The following PDYN variants were observed in gnomAD, a reference collection of about 807,000 sequenced individuals.
PDYN encodes prodynorphin.
A neutral mutation model predicts 11.4 loss-of-function variants in PDYN; 5 were observed. The ratio of observed to expected loss-of-function variants is 0.44; its 90% CI spans 0.23 to 0.92. The LOEUF is 0.92. Ranked by LOEUF, PDYN falls within the 40% of genes least tolerant of loss-of-function variation. The pLI, the probability that PDYN is intolerant of heterozygous loss-of-function variation, is 0.24. For synonymous variants in PDYN, 132 were observed against 129.5 expected (o/e 1.02, Z -0.13); for missense variants, 337 against 317.3 (o/e 1.06, Z -0.47).
intron 2 of PDYN, among the ~76,000 whole-genome samples, chr20:1,984,930 C>A (rs375735993): frequency 6.6e-6 from 1 of 152,034 alleles, no homozygotes; most frequent in South Asian, 2.1e-4. Flanking sequence ...TCATAGTCAG[C>A]GCTTTATAAA....
chr20:1,983,169 C>T lies in PDYN; in HGVS notation c.-19-66G>A, dbSNP rs73571363. On this transcript the variant is annotated intron_variant, in intron 2 of 3. Transcript: ENST00000217305. Reference sequence around the variant, plus strand: ...CCACTCTGTAGACTGTGTTCTGAGCCCACAAAGTCATCTCTAACTCCTGCC... The same window carrying T: ...CCACTCTGTAGACTGTGTTCTGAGCTCACAAAGTCATCTCTAACTCCTGCC... The T allele has an allele frequency of 6.4e-5, 89 of 1,397,934 alleles. No homozygotes were observed. The African/African-American group carries it at 9.0e-4, about 14-fold the overall frequency. 86.6% of individuals were successfully genotyped at this position (1,397,934 alleles called of 1,614,324 possible). A position where few individuals can be genotyped will look rare whatever the true frequency, so the allele number is the denominator to read the frequency against.
rs149056587 is a variant in PDYN, at chr20:1,982,979, C to G, written c.106G>C (p.Gly36Arg). ...ACCAGGGGATTGATAGGTTTGGGACCATCCTGGGTCTTTACAGCACACAAG... is the reference window on the plus strand; with the variant it reads ...ACCAGGGGATTGATAGGTTTGGGACGATCCTGGGTCTTTACAGCACACAAG... Reference protein sequence around the residue: ...CSLCAVKTQDGPKPINPLICS... With the variant: ...CSLCAVKTQDRPKPINPLICS... The change falls in exon 3 of 4, where the codon GGT becomes CGT. Residue 36 changes from glycine to arginine, a missense_variant. Gly to Arg is a moderately radical substitution (Grantham distance 125). Coordinates refer to ENST00000217305, the MANE Select transcript of PDYN (RefSeq NM_024411.5). 6.2e-7 allele frequency: 1 copy of G among 1,614,020 alleles called. No homozygotes were observed. The highest frequency in any genetic ancestry group is 8.5e-7 in the Non-Finnish European group (1 of 1,179,950).
chr20:1,986,105 C>T (rs969113724), intron 2 of PDYN, among the ~76,000 whole-genome samples: 8 of 152,196 alleles, frequency 5.3e-5, no homozygotes, highest in Non-Finnish European at 8.8e-5. Context: ...GAAGTACTCA[C>T]GATGTTCTGA....
chr20:1,983,187 C>T, intron 2 of PDYN, 84 bp from the exon 3 acceptor site: 1 of 1,163,940 alleles, frequency 8.6e-7, no homozygotes, highest in Admixed American at 2.0e-5. Flanking sequence ...TCATCTCTAA[C>T]TCCTGCCCAC....
intron 1 of PDYN, chr20:1,993,585 C>T (rs1988545219): frequency 6.6e-6 from 1 of 152,212 alleles, no homozygotes; most frequent in Admixed American, 6.5e-5. Context: ...GTCCCATTTT[C>T]CCCAGACCCT....
chr20:1,985,075 CT>C (rs1237724534), intron 2 of PDYN, among the ~76,000 whole-genome samples: 13 of 152,180 alleles, frequency 8.5e-5, no homozygotes, highest in Admixed American at 7.2e-4. Context: ...TCTTTGTAAC[CT>C]GACAACACCA....
At chr20:1,980,986 G>A (rs1303246939) in intron 3 of PDYN, 28 bp from the exon 4 acceptor site, 1 of 1,612,734 alleles carries the variant, frequency 6.2e-7, no homozygotes, top group African/African-American at 1.3e-5. Flanking sequence ...AGACCACAGT[G>A]GCAAATGATC....
At chr20:1,992,681 G>C (rs961908461) in intron 1 of PDYN, 38 bp from the exon 2 acceptor site, 1 of 152,376 alleles carries the variant, frequency 6.6e-6, no homozygotes, top group South Asian at 2.1e-4. Context: ...TGGTGGGACT[G>C]GGGGGAGAAG....
At chr20:1,981,931 A>AAATAAAT (rs1987831361) in intron 3 of PDYN, among the ~76,000 whole-genome samples, 2 of 143,580 alleles carry the variant, frequency 1.4e-5, no homozygotes, top group African/African-American at 5.4e-5. Context: ...GTCTCAAACA[A>AAATAAAT]AAATAAATAA....
intron 2 of PDYN, among the ~76,000 whole-genome samples, chr20:1,990,268 C>T (rs763517229): frequency 2.6e-5 from 4 of 152,170 alleles, no homozygotes; most frequent in Non-Finnish European, 4.4e-5. Context: ...CTGCTGACCA[C>T]GCCACAAACC....
In PDYN at chr20:1,983,005, G is replaced by A. The variant is rs536626217; in HGVS notation, c.80C>T (p.Ser27Phe). The A allele has an allele frequency of 9.9e-6, 16 of 1,613,956 alleles. No individual in the cohort carries two copies. Among genetic ancestry groups the A allele is most frequent in the Non-Finnish European group, 1.4e-5 (16 of 1,179,996 alleles). ...ATCCTGGGTCTTTACAGCACACAAG[G>A]AGCACCGCGACAGGCAGTCCGCTGT... The part of the protein sequence containing the change: ...STTADCLSRC[S>F]LCAVKTQDGP... Residue 27 changes from serine to phenylalanine, a missense_variant, in exon 3 of 4, where the codon TCC becomes TTC. Ser to Phe is a radical substitution (Grantham distance 155, BLOSUM62 -2). Transcript: ENST00000217305.
chr20:1,988,304 G>A (rs1165077362), intron 2 of PDYN, among the ~76,000 whole-genome samples: 4 of 152,156 alleles, frequency 2.6e-5, no homozygotes, highest in South Asian at 4.1e-4. Context: ...AGATCCCTCC[G>A]GGTTAAAAGG....
intron 2 of PDYN, among the ~76,000 whole-genome samples, chr20:1,988,589 C>T (rs542254477): frequency 1.3e-5 from 2 of 152,226 alleles, no homozygotes; most frequent in East Asian, 1.9e-4. Flanking sequence ...CCTTGGTAAG[C>T]GGGAGGCATG....
chr20:1,992,101 A>G (rs1988475231), intron 2 of PDYN, among the ~76,000 whole-genome samples: 1 of 152,200 alleles, frequency 6.6e-6, no homozygotes, highest in African/African-American at 2.4e-5. Flanking sequence ...GCATTTTGCT[A>G]TATCCCATTG....
At chr20:1,990,330 C>G (rs1264668628) in intron 2 of PDYN, among the ~76,000 whole-genome samples, 1 of 152,236 alleles carries the variant, frequency 6.6e-6, no homozygotes, top group Non-Finnish European at 1.5e-5. Context: ...CTCCCAAACT[C>G]TCACATTCCT....
intron 2 of PDYN, among the ~76,000 whole-genome samples, chr20:1,986,424 C>T (rs1988187899): frequency 6.6e-6 from 1 of 152,210 alleles, no homozygotes; most frequent in African/African-American, 2.4e-5. Flanking sequence ...ACTTTCCACG[C>T]AGCAGCTGGA....
chr20:1,991,346 C>G (rs571711780), intron 2 of PDYN, among the ~76,000 whole-genome samples: 2 of 152,358 alleles, frequency 1.3e-5, no homozygotes, highest in African/African-American at 4.8e-5. Flanking sequence ...GCCAGCCGCT[C>G]TGGCCAGTGG....
intron 3 of PDYN, among the ~76,000 whole-genome samples, chr20:1,981,347 A>G (rs187148855): frequency 1.2e-4 from 19 of 152,294 alleles, no homozygotes; most frequent in Admixed American, 2.6e-4. Flanking sequence ...GCACACTGCT[A>G]ACTCTTGGTA....
chr20:1,988,035 G>C (rs1988268144), intron 2 of PDYN, among the ~76,000 whole-genome samples: 1 of 152,112 alleles, frequency 6.6e-6, no homozygotes, highest in South Asian at 2.1e-4. Flanking sequence ...AGGGCCTGCT[G>C]GGTGTTGGTC....
Sources: allele counts gnomAD v4.1 joint callset (sites outside exome capture counted in the v4.1 genomes callset), GRCh38; gene constraint gnomAD v4.1.1; transcripts MANE v1.5; gene names NCBI Gene and HGNC (gene_info 2026-07-23, HGNC 2026-07-21).